Variants in RORA observed in about 807,000 individuals in gnomAD.
RORA encodes the protein RAR related orphan receptor A.
Under a neutral mutation model 69.5 loss-of-function variants are expected in RORA, and 7 were observed. The ratio of observed to expected loss-of-function variants is 0.10; its 90% confidence interval spans 0.06 to 0.19. RORA has a LOEUF of 0.19. RORA is among the 10% of genes least tolerant of loss of function. The probability of loss-of-function intolerance (pLI) is 1.00; values close to 1 mark genes in which losing one functional copy is unlikely to be tolerated. For missense variants in RORA, 457 were observed against 663.0 expected (o/e 0.69, Z 3.41); for synonymous variants, 261 against 240.8 (o/e 1.08, Z -0.78).
intron 1 of RORA, among the ~76,000 whole-genome samples, chr15:60,842,583 G>T (rs1214741804): frequency 6.6e-6 from 1 of 152,170 alleles, no homozygotes; most frequent in African/African-American, 2.4e-5. Context: ...CAGTGGGTCA[G>T]TGGTCAGTGG....
intron 1 of RORA, among the ~76,000 whole-genome samples, chr15:60,737,507 C>G (rs1039024419): frequency 7.2e-5 from 11 of 152,166 alleles, no homozygotes; most frequent in Non-Finnish European, 1.3e-4. Flanking sequence ...TGGGTCCCAT[C>G]CCAGACTGAC....
At chr15:60,541,413 T>C (rs1249060275) in intron 2 of RORA, among the ~76,000 whole-genome samples, 1 of 152,248 alleles carries the variant, frequency 6.6e-6, no homozygotes, top group Non-Finnish European at 1.5e-5. Flanking sequence ...TGTTTCTGAC[T>C]TTCCCTAAAT....
intron 1 of RORA, among the ~76,000 whole-genome samples, chr15:60,712,909 A>T (rs1356895268): frequency 1.3e-5 from 2 of 152,190 alleles, no homozygotes; most frequent in Non-Finnish European, 2.9e-5. Flanking sequence ...TGGACAAGAG[A>T]GCCTGACCTC....
intron 1 of RORA, among the ~76,000 whole-genome samples, chr15:61,220,318 C>T (rs954339439): frequency 2.0e-5 from 3 of 152,228 alleles, no homozygotes; most frequent in African/African-American, 7.2e-5. Context: ...GTCACACAAA[C>T]ATTCCTGAGA....
At chr15:61,090,948 A>C (rs1438577232) in intron 1 of RORA, among the ~76,000 whole-genome samples, 2 of 151,492 alleles carry the variant, frequency 1.3e-5, no homozygotes, top group Admixed American at 6.6e-5. Context: ...TCATGATCTC[A>C]CTCTGTCCCT....
chr15:60,678,023 C>G (rs2071863327), intron 2 of RORA, among the ~76,000 whole-genome samples: 1 of 152,214 alleles, frequency 6.6e-6, no homozygotes, highest in Admixed American at 6.5e-5. Flanking sequence ...ATCACAACAC[C>G]TTACATTGAC....
At position 60,583,701 on chromosome 15, in the gene RORA, G is replaced by A. The variant is rs992216512; in HGVS notation, c.197-51850C>T. Among the ~76,000 whole-genome samples, 3 of 152,330 alleles carry A rather than the reference G, an allele frequency of 2.0e-5. No homozygotes were observed. In the East Asian group the frequency reaches 5.8e-4, roughly 29 times the overall value. ...ACTTGCTTCTGCATGCTGGTTGATAGCAAGGCCAAAGTTAACAGAAAAATA... is the reference window on the plus strand; with the variant it reads ...ACTTGCTTCTGCATGCTGGTTGATAACAAGGCCAAAGTTAACAGAAAAATA... On this transcript the variant is annotated intron_variant, in intron 2 of 10. Transcript: ENST00000335670.
intron 3 of RORA, 152 bp from the exon 4 acceptor site, chr15:60,514,909 G>A (rs1227249336): frequency 2.3e-5 from 14 of 600,674 alleles, no homozygotes; most frequent in Non-Finnish European, 3.9e-5. Flanking sequence ...TGAAATTAAA[G>A]TCACTTCTTT....
chr15:60,534,412 G>A lies in RORA; in HGVS notation c.197-2561C>T, dbSNP rs374728506. ...TTTCAGATCTGGAGGATATTTGAGC[G>A]GAGACAGTCACGAGATCTGTGGAGG... On this transcript the variant is annotated intron_variant, in intron 2 of 10. Coordinates refer to ENST00000335670, the MANE Select transcript of RORA (RefSeq NM_134261.3). The surrounding 1 kb of genome is among the most constrained non-coding windows in gnomAD (Gnocchi z 5.0). 1.1e-3 allele frequency among the ~76,000 whole-genome samples: 170 copies of A among 152,196 alleles called. No homozygotes were observed. Among genetic ancestry groups the A allele is most frequent in the African/African-American group, 3.2e-3 (131 of 41,494 alleles).
At chr15:60,501,109 ATTGTC>A (rs1305830346) in intron 8 of RORA, 40 bp from the exon 9 acceptor site, 3 of 1,285,618 alleles carry the variant, frequency 2.3e-6, no homozygotes, top group Non-Finnish European at 3.4e-6. Flanking sequence ...AATTTTGATT[ATTGTC>A]TTAGGAGAAA....
intron 1 of RORA, among the ~76,000 whole-genome samples, chr15:61,046,963 A>G (rs1897057595): frequency 6.6e-6 from 1 of 152,232 alleles, no homozygotes; most frequent in Non-Finnish European, 1.5e-5. Flanking sequence ...CTTGGAGAGC[A>G]TCTTTTGCTC....
At chr15:60,884,565 A>G (rs2073730325) in intron 1 of RORA, among the ~76,000 whole-genome samples, 2 of 152,130 alleles carry the variant, frequency 1.3e-5, no homozygotes, top group African/African-American at 4.8e-5. Context: ...AATCTGAGGG[A>G]AAAAAATGAA....
At chr15:60,870,799 T>A (rs1019329331) in intron 1 of RORA, among the ~76,000 whole-genome samples, 3 of 152,252 alleles carry the variant, frequency 2.0e-5, no homozygotes, top group African/African-American at 4.8e-5. Context: ...GGGTCACTTA[T>A]AGAGTTGTTT....
At position 60,542,643 on chromosome 15, in the gene RORA, GAC is replaced by G. The variant is rs527256618; in HGVS notation, c.197-10794_197-10793del. On this transcript the variant is annotated intron_variant, in intron 2 of 10. Coordinates refer to ENST00000335670, the MANE Select transcript of RORA (RefSeq NM_134261.3). ...CGGCACACATGCACACCTCACACAC[GAC>G]ACACGGGCACACCTCACACACATGG... Among the ~76,000 whole-genome samples the G allele has an allele frequency of 8.3e-3, 771 of 93,328 alleles. 5 individuals are homozygous for G. The highest frequency in any genetic ancestry group is 9.9e-3 in the Non-Finnish European group (505 of 50,904). The allele number at this position is 93,328 out of a possible 152,430, so 61.2% of individuals were successfully genotyped here.
intron 2 of RORA, among the ~76,000 whole-genome samples, chr15:60,553,789 C>A (rs1323924664): frequency 6.6e-6 from 1 of 152,160 alleles, no homozygotes; most frequent in East Asian, 1.9e-4. Context: ...ATTGAAGTAA[C>A]CCTTGTCTTC....
At chr15:60,876,311 T>TGGGGGGGGGGGGG (rs56278031) in intron 1 of RORA, among the ~76,000 whole-genome samples, 2 of 102,380 alleles carry the variant, frequency 2.0e-5, no homozygotes. Context: ...TTACAGGAAG[T>TGGGGGGGGGGGGG]GGGGGGGGGG....
intron 1 of RORA, among the ~76,000 whole-genome samples, chr15:60,736,382 A>G (rs1276609036): frequency 3.9e-5 from 6 of 152,284 alleles, no homozygotes; most frequent in East Asian, 1.9e-4. Context: ...ACTAGCAATA[A>G]TCAGGAAGGC....
chr15:60,772,578 C>G (rs147173537), intron 1 of RORA, among the ~76,000 whole-genome samples: 2 of 152,326 alleles, frequency 1.3e-5, no homozygotes, highest in African/African-American at 4.8e-5. Flanking sequence ...TGTGAGTCAT[C>G]ATCTCATGCA....
intron 1 of RORA, among the ~76,000 whole-genome samples, chr15:60,776,453 T>G (rs2072168330): frequency 6.6e-6 from 1 of 152,200 alleles, no homozygotes; most frequent in South Asian, 2.1e-4. Flanking sequence ...GGGAGGCTAG[T>G]GAGCACCTAC....
Sources: gnomAD v4.1 joint callset for allele counts (sites outside exome capture counted in the v4.1 genomes callset) on GRCh38, gnomAD v4.1.1 for gene constraint, Gnocchi (gnomAD v3.1) non-coding constraint, MANE v1.5 for transcripts, NCBI Gene and HGNC (gene_info 2026-07-23, HGNC 2026-07-21) for gene names.